RBFOX1: variants seen among roughly 807,000 people sequenced by gnomAD.
RBFOX1 encodes the protein RNA binding protein fox-1 homolog 1.
In RBFOX1, 8 loss-of-function variants were observed where a neutral mutation model predicts 57.7. The observed-to-expected ratio is 0.14, with a 90% CI of 0.08 to 0.25. The LOEUF (loss-of-function observed/expected upper bound fraction) is 0.25, where lower values mean the gene tolerates loss of function less well. RBFOX1 is among the 10% of genes least tolerant of loss of function. The probability of loss-of-function intolerance (pLI) is 1.00; values close to 1 mark genes in which losing one functional copy is unlikely to be tolerated. For synonymous variants in RBFOX1, 326 were observed against 222.4 expected (o/e 1.47, Z -4.15); for missense variants, 611 against 548.5 (o/e 1.11, Z -1.14).
intron 1 of RBFOX1, among the ~76,000 whole-genome samples, chr16:6,115,962 C>T (rs922214042): frequency 3.9e-5 from 6 of 152,166 alleles, no homozygotes; most frequent in Non-Finnish European, 7.3e-5. Flanking sequence ...TATAAAGACA[C>T]ATGCACATGT....
intron 4 of RBFOX1, among the ~76,000 whole-genome samples, chr16:7,233,271 C>T (rs1603418011): frequency 1.3e-5 from 2 of 150,810 alleles, no homozygotes; most frequent in South Asian, 2.1e-4. Context: ...TCTAAGCTGG[C>T]TCTATCCCAA....
chr16:7,456,377 C>G (rs1598862423), intron 4 of RBFOX1, among the ~76,000 whole-genome samples: 1 of 152,192 alleles, frequency 6.6e-6, no homozygotes, highest in African/African-American at 2.4e-5. Flanking sequence ...AGTACATCTG[C>G]TATGTTGATA....
chr16:7,406,351 AGTAAACCGAG>A (rs2098339886), intron 4 of RBFOX1, among the ~76,000 whole-genome samples: 1 of 152,206 alleles, frequency 6.6e-6, no homozygotes. Flanking sequence ...GTTATAGAAG[AGTAAACCGAG>A]GCCCAGAGCT....
chr16:6,739,471 A>G (rs1013035984), intron 3 of RBFOX1, among the ~76,000 whole-genome samples: 6 of 149,532 alleles, frequency 4.0e-5, no homozygotes, highest in Non-Finnish European at 7.4e-5. Flanking sequence ...TCATAATTTA[A>G]CATCCCCCCT....
chr16:7,071,587 ATGTGTGTGTGTG>A (rs60039723), intron 4 of RBFOX1, among the ~76,000 whole-genome samples: 19 of 148,050 alleles, frequency 1.3e-4, no homozygotes, highest in Non-Finnish European at 2.1e-4. Flanking sequence ...TTGCCCAGAT[ATGTGTGTGTGTG>A]TGTGTGTGTG....
intron 3 of RBFOX1, among the ~76,000 whole-genome samples, chr16:6,742,472 C>G (rs1432935226): frequency 2.0e-5 from 3 of 152,148 alleles, no homozygotes; most frequent in Admixed American, 6.5e-5. Flanking sequence ...AATCACATTT[C>G]TGGACATTTA....
chr16:6,288,671 C>T (rs908143712), intron 1 of RBFOX1, among the ~76,000 whole-genome samples: 7 of 152,108 alleles, frequency 4.6e-5, no homozygotes, highest in African/African-American at 1.7e-4. Flanking sequence ...ACTCTGACTT[C>T]GAGCACATGT....
At chr16:7,649,957 G>C (rs533440838) in intron 11 of RBFOX1, among the ~76,000 whole-genome samples, 2 of 151,634 alleles carry the variant, frequency 1.3e-5, no homozygotes, top group Non-Finnish European at 2.9e-5. Flanking sequence ...AGGGAGAGGA[G>C]AGGAAGAAGA....
chr16:5,420,926 C>T (rs1451722457), intron 1 of RBFOX1, among the ~76,000 whole-genome samples: 4 of 126,254 alleles, frequency 3.2e-5, no homozygotes, highest in African/African-American at 9.1e-5. Flanking sequence ...CACCCCTCCT[C>T]CTCCCCCTCC....
intron 4 of RBFOX1, among the ~76,000 whole-genome samples, chr16:7,264,027 C>G (rs749740497): frequency 2.0e-5 from 3 of 151,608 alleles, no homozygotes; most frequent in African/African-American, 7.3e-5. Flanking sequence ...CCCATCAAAC[C>G]AACACCCTTC....
chr16:7,451,054 C>T (rs1259980768), intron 4 of RBFOX1, among the ~76,000 whole-genome samples: 1 of 152,066 alleles, frequency 6.6e-6, no homozygotes, highest in Non-Finnish European at 1.5e-5. Context: ...AGCTGGGAGT[C>T]CCTGAGTGAC....
At chr16:6,427,164 A>G (rs2093953499) in intron 2 of RBFOX1, among the ~76,000 whole-genome samples, 1 of 152,234 alleles carries the variant, frequency 6.6e-6, no homozygotes, top group Non-Finnish European at 1.5e-5. Flanking sequence ...TAGTATTTCC[A>G]TATTAAATGT....
chr16:7,559,309 TTCTC>T (rs1270768329), intron 5 of RBFOX1, among the ~76,000 whole-genome samples: 2 of 144,850 alleles, frequency 1.4e-5, no homozygotes, highest in African/African-American at 2.9e-5. Context: ...ATACATCTCT[TTCTC>T]TCAGTCTCTC....
chr16:7,261,773 G>A (rs1041268449), intron 4 of RBFOX1, among the ~76,000 whole-genome samples: 3 of 152,142 alleles, frequency 2.0e-5, no homozygotes, highest in African/African-American at 7.2e-5. Flanking sequence ...GTGAGATCAC[G>A]AGAGCCTGAC....
intron 4 of RBFOX1, among the ~76,000 whole-genome samples, chr16:5,945,485 G>C (rs1407683141): frequency 6.6e-6 from 1 of 152,226 alleles, no homozygotes; most frequent in African/African-American, 2.4e-5. Flanking sequence ...GCATGTGCCA[G>C]GCTGTGGATT....
intron 2 of RBFOX1, among the ~76,000 whole-genome samples, chr16:6,590,569 G>C (rs753476766): frequency 6.6e-6 from 1 of 152,190 alleles, no homozygotes; most frequent in Non-Finnish European, 1.5e-5. Flanking sequence ...TTTAGTGAGA[G>C]TTCTACAGGA....
intron 3 of RBFOX1, among the ~76,000 whole-genome samples, chr16:5,654,613 C>T (rs2049363459): frequency 6.6e-6 from 1 of 152,166 alleles, no homozygotes; most frequent in Non-Finnish European, 1.5e-5. Flanking sequence ...CATCCAGCCC[C>T]ACTGAGCCTC....
intron 2 of RBFOX1, among the ~76,000 whole-genome samples, chr16:5,530,180 T>C (rs767242851): frequency 5.3e-5 from 8 of 152,180 alleles, no homozygotes; most frequent in African/African-American, 7.2e-5. Context: ...TTGAGCATAA[T>C]TGAAAGAACC....
chr16:7,580,921 C>T (rs1037539024), intron 6 of RBFOX1, among the ~76,000 whole-genome samples: 8 of 152,180 alleles, frequency 5.3e-5, no homozygotes, highest in Non-Finnish European at 1.2e-4. Context: ...GACTCTTCCT[C>T]TAAGAGTTAA....
Sources: gnomAD v4.1 joint callset for allele counts (sites outside exome capture counted in the v4.1 genomes callset) on GRCh38, gnomAD v4.1.1 for gene constraint, MANE v1.5 for transcripts, NCBI Gene and HGNC (gene_info 2026-07-23, HGNC 2026-07-21) for gene names.